The following ITIH1 variants were observed in gnomAD, a reference collection of about 807,000 sequenced individuals.
ITIH1 encodes inter-alpha-trypsin inhibitor heavy chain H1.
ITIH1 carries 94 observed loss-of-function variants against 104.6 expected under a neutral mutation model. The ratio of observed to expected loss-of-function variants is 0.90; its 90% CI spans 0.76 to 1.07. ITIH1 has a LOEUF of 1.07. Among genes scored for constraint, ITIH1 ranks in the 50% least tolerant of loss-of-function variants. The probability of loss-of-function intolerance (pLI) is 0.00; values close to 1 mark genes in which losing one functional copy is unlikely to be tolerated. For missense variants in ITIH1, 1,193 were observed against 1,181.4 expected (o/e 1.01, Z -0.14); for synonymous variants, 455 against 464.4 (o/e 0.98, Z 0.26).
intron 1 of ITIH1, 30 bp downstream of exon 1, chr3:52,777,762 AG>A: frequency 6.5e-7 from 1 of 1,544,766 alleles, no homozygotes; most frequent in Non-Finnish European, 8.8e-7. Context: ...GGGCAGAAAT[AG>A]GCAGCTGAAC....
chr3:52,789,666 T>G lies in ITIH1; in HGVS notation c.2133T>G (p.Asn711Lys). 6.2e-7 allele frequency: 1 copy of G among 1,614,108 alleles called. No homozygotes were observed. The highest frequency in any genetic ancestry group is 8.5e-7 in the Non-Finnish European group (1 of 1,179,994). ...VQDPNTGFSV[N>K]GQLIGNKARS... ...GCTCCATTGCAGGCTTCTCAGTGAA[T>G]GGACAGCTCATTGGCAACAAGGCCA... The change falls in exon 19 of 22, where the codon AAT becomes AAG. Residue 711 changes from asparagine to lysine, a missense_variant. By Grantham distance (94) the Asn-to-Lys change is moderately conservative. Coordinates refer to ENST00000273283, the MANE Select transcript of ITIH1 (RefSeq NM_002215.4).
intron 12 of ITIH1, 147 bp from the exon 13 acceptor site, chr3:52,786,148 G>A (rs1336996864): frequency 3.8e-6 from 3 of 780,424 alleles, no homozygotes; most frequent in South Asian, 1.9e-5. Context: ...TCAACGAATA[G>A]GATGAGGCGA....
At position 52,782,160 on chromosome 3, in the gene ITIH1, A is replaced by G; in HGVS notation, c.823A>G (p.Asn275Asp). Residue 275 changes from asparagine to aspartate, a missense_variant, in exon 8 of 22, where the codon AAC becomes GAC. By Grantham distance (23) the Asn-to-Asp change is conservative. Coordinates refer to ENST00000273283, the MANE Select transcript of ITIH1 (RefSeq NM_002215.4). ...DKICDLLVAN[N>D]HFAHFFAPQN... ...TTCTCCTCTATTTCAGGTGGCCAATAACCACTTTGCCCACTTCTTTGCCCC... is the reference window on the plus strand; with the variant it reads ...TTCTCCTCTATTTCAGGTGGCCAATGACCACTTTGCCCACTTCTTTGCCCC... 1 of 1,614,146 alleles carries G rather than the reference A, an allele frequency of 6.2e-7. No individual in the cohort carries two copies. Among genetic ancestry groups the G allele is most frequent in the Non-Finnish European group, 8.5e-7 (1 of 1,180,024 alleles).
chr3:52,779,657 T>A lies in ITIH1; in HGVS notation c.573+63T>A. The A allele has an allele frequency of 6.3e-7, 1 of 1,576,354 alleles. No individual in the cohort carries two copies. Among genetic ancestry groups the A allele is most frequent in the Non-Finnish European group, 8.7e-7 (1 of 1,146,386 alleles). ...TCTCCGTCACCATGGCTCCCAACAC[T>A]GGTTGAGCACCCACCATGTGTCACC... On this transcript the variant is annotated intron_variant, in intron 5 of 21. Coordinates refer to ENST00000273283, the MANE Select transcript of ITIH1 (RefSeq NM_002215.4). The surrounding 1 kb of genome is among the most constrained non-coding windows in gnomAD (Gnocchi z 4.4).
intron 19 of ITIH1, 70 bp downstream of exon 19, chr3:52,789,924 C>A: frequency 1.3e-6 from 2 of 1,492,774 alleles, no homozygotes; most frequent in Non-Finnish European, 1.9e-6. Context: ...GCTGAGTCTG[C>A]AGGGCCCTCG....
intron 12 of ITIH1, 107 bp downstream of exon 12, chr3:52,785,336 G>C: frequency 9.3e-7 from 1 of 1,077,660 alleles, no homozygotes; most frequent in East Asian, 2.5e-5. Context: ...TCTTTCCCCA[G>C]AGTAGTACCC....
At position 52,780,200 on chromosome 3, in the gene ITIH1, G is replaced by T. The variant is rs1698998295; in HGVS notation, c.574-69G>T. On this transcript the variant is annotated intron_variant, in intron 5 of 21. Coordinates refer to ENST00000273283, the MANE Select transcript of ITIH1 (RefSeq NM_002215.4). ...GGACGGCTTGAGCCCAGGAGTTTGA[G>T]GCCAGCCTGGGCAACAAAGCAAGAT... 7.7e-6 allele frequency: 10 copies of T among 1,302,344 alleles called. No homozygotes were observed. The South Asian group carries it at 1.3e-4, about 17-fold the overall frequency. 80.7% of individuals were successfully genotyped at this position (1,302,344 alleles called of 1,614,324 possible). A position where few individuals can be genotyped will look rare whatever the true frequency, so the allele number is the denominator to read the frequency against.
rs1699208873 is a variant in ITIH1, at chr3:52,786,523, G to C, written c.1733+89G>C. Reference sequence around the variant, plus strand: ...GGTGAGCAGAGGAGGGGTGGTTCTGGGGCAAGTAGGTCAGATTTACTTTCC... The same window carrying C: ...GGTGAGCAGAGGAGGGGTGGTTCTGCGGCAAGTAGGTCAGATTTACTTTCC... On this transcript the variant is annotated intron_variant, in intron 13 of 21. Coordinates refer to ENST00000273283, the MANE Select transcript of ITIH1 (RefSeq NM_002215.4). 2.4e-6 allele frequency: 3 copies of C among 1,255,892 alleles called. No homozygotes were observed. In the African/African-American group the frequency reaches 4.6e-5, roughly 19 times the overall value. 77.8% of individuals were successfully genotyped at this position (1,255,892 alleles called of 1,614,324 possible). A position where few individuals can be genotyped will look rare whatever the true frequency, so the allele number is the denominator to read the frequency against.
rs1578726749 is a variant in ITIH1, at chr3:52,778,205, G to A, written c.139-135G>A. 7 of 1,102,988 alleles carry A rather than the reference G, an allele frequency of 6.3e-6. No homozygotes were observed. In the East Asian group the frequency reaches 1.4e-4, roughly 22 times the overall value. The allele number at this position is 1,102,988 out of a possible 1,614,324, so 68.3% of individuals were successfully genotyped here. ...AGCACGGTCTCAGCCAGAGAGCAGG[G>A]GTCTTCCTGCGGTCTGTTCTTCCTG... On this transcript the variant is annotated intron_variant, in intron 2 of 21. Coordinates refer to ENST00000273283, the MANE Select transcript of ITIH1 (RefSeq NM_002215.4).
chr3:52,781,280 CTTCTTCCT>C (rs1699049674), intron 6 of ITIH1, among the ~76,000 whole-genome samples: 1 of 139,676 alleles, frequency 7.2e-6, no homozygotes, highest in Non-Finnish European at 1.5e-5. Flanking sequence ...TCTTCTTCTT[CTTCTTCCT>C]CTTCTTCTTC....
rs1698992699 is a variant in ITIH1 at position 52,779,887 on chromosome 3, T to C, written c.573+293T>C. ...AGTACTGAATGTCCAGGTAATTTTG[T>C]AAACTAGAAAGTCCCGCGCAGCCTG... is the stretch of plus-strand genomic sequence containing the variant. On this transcript the variant is annotated intron_variant, in intron 5 of 21. Coordinates refer to ENST00000273283, the MANE Select transcript of ITIH1 (RefSeq NM_002215.4). The surrounding 1 kb of genome is among the most constrained non-coding windows in gnomAD (Gnocchi z 4.4). 2.9e-6 allele frequency: 4 copies of C among 1,387,822 alleles called. No individual in the cohort carries two copies. The highest frequency in any genetic ancestry group is 3.7e-6 in the Non-Finnish European group (4 of 1,070,898). 86.0% of individuals were successfully genotyped at this position (1,387,822 alleles called of 1,614,324 possible).
At chr3:52,778,647 G>A (rs896987729) in intron 3 of ITIH1, 141 bp downstream of exon 3, 1 of 1,474,498 alleles carries the variant, frequency 6.8e-7, no homozygotes, top group African/African-American at 1.4e-5. Flanking sequence ...TGGCTTTGAG[G>A]GGAGGAAGAA....
rs748015149 is a variant in ITIH1 at position 52,788,055 on chromosome 3, G to A, written c.1994G>A (p.Arg665Gln). ...SSSNTQRLPD[R>Q]VTGVDTDPHF... is the part of the protein sequence containing the mutation. Reference sequence around the variant, plus strand: ...TCCAATACCCAGCGGCTGCCAGACCGAGTGACCGGCGGTGAGTCCTTGGAA... The same window carrying A: ...TCCAATACCCAGCGGCTGCCAGACCAAGTGACCGGCGGTGAGTCCTTGGAA... Residue 665 changes from arginine (R) to glutamine (Q), a missense_variant, in exon 17 of 22, where the codon CGA (arginine) becomes CAA (glutamine). Physicochemically the swap from Arg to Gln is conservative, Grantham distance 43. Coordinates refer to ENST00000273283, the MANE Select transcript of ITIH1 (RefSeq NM_002215.4). 22 of 1,607,172 alleles carry A rather than the reference G, an allele frequency of 1.4e-5. No homozygotes were observed. Among genetic ancestry groups the A allele is most frequent in the South Asian group, 1.3e-4 (12 of 89,868 alleles).
At chr3:52,778,791 C>A in intron 3 of ITIH1, 151 bp from the exon 4 acceptor site, 1 of 1,084,866 alleles carries the variant, frequency 9.2e-7, no homozygotes, top group Non-Finnish European at 1.3e-6. Context: ...GGCTGCTCAC[C>A]TCATTGCCCA....
intron 18 of ITIH1, 129 bp from the exon 19 acceptor site, chr3:52,789,524 G>C: frequency 3.9e-6 from 3 of 765,446 alleles, no homozygotes; most frequent in Non-Finnish European, 6.6e-6. Flanking sequence ...GAGACCCTGA[G>C]GCAGGAGACT....
At position 52,788,010 on chromosome 3, in the gene ITIH1, C is replaced by G. The variant is rs1176370291; in HGVS notation, c.1949C>G (p.Pro650Arg). 3 of 1,613,670 alleles carry G rather than the reference C, an allele frequency of 1.9e-6. No individual in the cohort carries two copies. The South Asian group carries it at 3.3e-5, about 18-fold the overall frequency. The stretch of plus-strand genomic sequence containing the variant: ...GCGTTCGTGCTGTCAGCCTTGCAGC[C>G]TTCTCCTACTCATTCCAGCTCCAAT... ...RRTFVLSALQPSPTHSSSNTQ... is the reference protein window; with the variant it reads ...RRTFVLSALQRSPTHSSSNTQ... Residue 650 changes from proline to arginine, a missense_variant, in exon 17 of 22, where the codon CCT (proline) becomes CGT (arginine). Pro to Arg is a moderately radical substitution (Grantham distance 103). Transcript: ENST00000273283.
Position 52,778,295 on chromosome 3 carries a change from C to G in ITIH1, c.139-45C>G, listed in dbSNP as rs369385427. The G allele has an allele frequency of 6.5e-5, 103 of 1,589,510 alleles. No individual in the cohort carries two copies. The Middle Eastern group carries it at 1.3e-3, about 20-fold the overall frequency. On this transcript the variant is annotated intron_variant, in intron 2 of 21. Transcript: ENST00000273283. Reference sequence around the variant, plus strand: ...CGTACCACAGGAAGTCCCTCGCTGACAGAGGCCCTGTCTCAGGCCACAGCT... The same window carrying G: ...CGTACCACAGGAAGTCCCTCGCTGAGAGAGGCCCTGTCTCAGGCCACAGCT...
intron 13 of ITIH1, 78 bp downstream of exon 13, chr3:52,786,512 G>A: frequency 7.3e-7 from 1 of 1,366,524 alleles, no homozygotes; most frequent in Non-Finnish European, 1.0e-6. Flanking sequence ...AGCAGAGGAG[G>A]GGTGGTTCTG....
rs1390713767 is a variant in ITIH1, at chr3:52,789,763, T to C, written c.2230T>C (p.Leu744=). The C allele has an allele frequency of 3.1e-6, 5 of 1,614,216 alleles. No individual in the cohort carries two copies. The highest frequency in any genetic ancestry group is 3.4e-6 in the Non-Finnish European group (4 of 1,180,034). Residue 744 remains leucine, a synonymous_variant, in exon 19 of 22, where the codon TTG becomes CTG. Coordinates refer to ENST00000273283, the MANE Select transcript of ITIH1 (RefSeq NM_002215.4). ...CGCAAACCCTGCCACGGACTTTCAGTTGGAAGTGACTCCTCAGAACATTAC... is the reference window on the plus strand; with the variant it reads ...CGCAAACCCTGCCACGGACTTTCAGCTGGAAGTGACTCCTCAGAACATTAC... ...GIANPATDFQ[L]EVTPQNITLN...
Sources: gnomAD v4.1 joint callset for allele counts (sites outside exome capture counted in the v4.1 genomes callset) on GRCh38, gnomAD v4.1.1 for gene constraint, Gnocchi (gnomAD v3.1) non-coding constraint, MANE v1.5 for transcripts, NCBI Gene and HGNC (gene_info 2026-07-23, HGNC 2026-07-21) for gene names.